Variants in ST8SIA5 observed in about 807,000 individuals in gnomAD.
ST8SIA5 encodes ST8 alpha-N-acetyl-neuraminide alpha-2,8-sialyltransferase 5, also known as alpha-2,8-sialyltransferase 8E.
In ST8SIA5, 24 loss-of-function variants were observed where a neutral mutation model predicts 40.2. The observed-to-expected ratio is 0.60, with a 90% confidence interval of 0.43 to 0.84. The LOEUF (loss-of-function observed/expected upper bound fraction) is 0.84, where lower values mean the gene tolerates loss of function less well. Among genes scored for constraint, ST8SIA5 ranks in the 40% least tolerant of loss-of-function variants. ST8SIA5 has a pLI of 0.00. For synonymous variants in ST8SIA5, 198 were observed against 201.8 expected (o/e 0.98, Z 0.16); for missense variants, 465 against 498.5 (o/e 0.93, Z 0.64).
At chr18:46,734,283 C>G (rs1312860893) in intron 1 of ST8SIA5, among the ~76,000 whole-genome samples, 1 of 152,138 alleles carries the variant, frequency 6.6e-6, no homozygotes, top group Non-Finnish European at 1.5e-5. Flanking sequence ...GTTTCATTCA[C>G]CAGGGTCCAC....
chr18:46,681,836 T>G (rs1272199618), intron 6 of ST8SIA5, 136 bp downstream of exon 6: 1 of 760,252 alleles, frequency 1.3e-6, no homozygotes, highest in African/African-American at 1.8e-5. Context: ...TTGTATTAAG[T>G]CTTTGAAACC....
At chr18:46,752,940 C>A (rs1839488690) in intron 1 of ST8SIA5, among the ~76,000 whole-genome samples, 1 of 152,168 alleles carries the variant, frequency 6.6e-6, no homozygotes. Context: ...GTAGGAGACC[C>A]AGCTAACATC....
At chr18:46,726,054 A>ATATATATATATATCCTGGATATATATAT (rs1272169940) in intron 1 of ST8SIA5, among the ~76,000 whole-genome samples, 1 of 122,004 alleles carries the variant, frequency 8.2e-6, no homozygotes, top group Non-Finnish European at 1.7e-5. Context: ...TATATCCAGG[A>ATATATATATATATCCTGGATATATATAT]ATGGTGGTGC....
intron 1 of ST8SIA5, among the ~76,000 whole-genome samples, chr18:46,713,301 T>A (rs1333635254): frequency 6.6e-6 from 1 of 152,190 alleles, no homozygotes; most frequent in Non-Finnish European, 1.5e-5. Context: ...CAGTAACTCC[T>A]AGGACTTCAG....
intron 1 of ST8SIA5, among the ~76,000 whole-genome samples, chr18:46,712,200 T>C (rs2039739570): frequency 6.6e-6 from 1 of 152,182 alleles, no homozygotes; most frequent in Non-Finnish European, 1.5e-5. Flanking sequence ...CTTCCCTTTG[T>C]AAAATTCAGC....
rs374668083 is a variant in ST8SIA5 at position 46,703,262 on chromosome 18, C to T, written c.224+1310G>A. 3.3e-5 allele frequency among the ~76,000 whole-genome samples: 5 copies of T among 152,206 alleles called. No homozygotes were observed. In the East Asian group the frequency reaches 5.8e-4, roughly 18 times the overall value. On this transcript the variant is annotated intron_variant, in intron 2 of 6. Transcript: ENST00000315087. ...CTGGGTTCACGCCATTCTCCTGCCT[C>T]AGCCTCCAGAGTAGCTGGGACTACA...
At chr18:46,698,463 C>T (rs1242053321) in intron 2 of ST8SIA5, among the ~76,000 whole-genome samples, 2 of 152,078 alleles carry the variant, frequency 1.3e-5, no homozygotes, top group Non-Finnish European at 2.9e-5. Flanking sequence ...GATCCAACAA[C>T]CCACCACACC....
At chr18:46,689,088 C>G in intron 3 of ST8SIA5, 169 bp from the exon 4 acceptor site, 2 of 704,420 alleles carry the variant, frequency 2.8e-6, no homozygotes, top group Middle Eastern at 4.1e-4. Flanking sequence ...GCCCACCCAT[C>G]CCACACACAT....
intron 1 of ST8SIA5, among the ~76,000 whole-genome samples, chr18:46,719,712 T>TTCTTTCTTTCTTTCTTTCTC (rs1568267819): frequency 6.6e-6 from 1 of 150,598 alleles, no homozygotes; most frequent in Non-Finnish European, 1.5e-5. Context: ...CTTTCTCTCT[T>TTCTTTCTTTCTTTCTTTCTC]TCTTTCTCTC....
rs546768649 is a variant in ST8SIA5 at position 46,694,449 on chromosome 18, T to C, written c.225-2194A>G. On this transcript the variant is annotated intron_variant, in intron 2 of 6. Coordinates refer to ENST00000315087, the MANE Select transcript of ST8SIA5 (RefSeq NM_013305.6). ...AAAACTGCGAAATGCAGACAGATCATACACTCCTTAAAGGCAGCACCATGA... is the reference window on the plus strand; with the variant it reads ...AAAACTGCGAAATGCAGACAGATCACACACTCCTTAAAGGCAGCACCATGA... Among the ~76,000 whole-genome samples the C allele has an allele frequency of 2.6e-5, 4 of 152,346 alleles. No homozygotes were observed. In the South Asian group the frequency reaches 8.3e-4, roughly 32 times the overall value.
At chr18:46,750,964 T>C (rs915245683) in intron 1 of ST8SIA5, among the ~76,000 whole-genome samples, 2 of 152,252 alleles carry the variant, frequency 1.3e-5, no homozygotes, top group African/African-American at 2.4e-5. Context: ...ACTCTTTTTA[T>C]TGTGGCAAAA....
chr18:46,753,187 C>T (rs1433245471), intron 1 of ST8SIA5, among the ~76,000 whole-genome samples: 1 of 152,186 alleles, frequency 6.6e-6, no homozygotes, highest in East Asian at 1.9e-4. Flanking sequence ...CATAGTCCTA[C>T]CTTCAATTAT....
Position 46,684,263 on chromosome 18 carries a change from G to A in ST8SIA5, c.569+1911C>T, listed in dbSNP as rs575292465. Among the ~76,000 whole-genome samples the A allele has an allele frequency of 1.9e-3, 291 of 152,262 alleles. 1 individual carries two copies. The highest frequency in any genetic ancestry group is 6.9e-3 in the African/African-American group (285 of 41,544). On this transcript the variant is annotated intron_variant, in intron 5 of 6. Transcript: ENST00000315087. ...AATGACATGGTATCACAGAAAGAATGCAAGACCAGAAGTGTATCCCATTTC... is the reference window on the plus strand; with the variant it reads ...AATGACATGGTATCACAGAAAGAATACAAGACCAGAAGTGTATCCCATTTC...
chr18:46,737,118 A>G (rs7237483), intron 1 of ST8SIA5, among the ~76,000 whole-genome samples: 53,321 of 151,690 alleles, frequency 0.35, 10,081 homozygotes, highest in Middle Eastern at 0.45. Flanking sequence ...TGGTGTCTAA[A>G]AAGAAACTTT....
chr18:46,737,341 CTG>C (rs2040044866), intron 1 of ST8SIA5, among the ~76,000 whole-genome samples: 1 of 152,176 alleles, frequency 6.6e-6, no homozygotes, highest in South Asian at 2.1e-4. Flanking sequence ...TATTTATACA[CTG>C]TCTTACATAA....
chr18:46,753,753 A>G (rs2040216183), intron 1 of ST8SIA5, among the ~76,000 whole-genome samples: 1 of 152,104 alleles, frequency 6.6e-6, no homozygotes, highest in Non-Finnish European at 1.5e-5. Context: ...TTCCCTCTGC[A>G]TGCAGCAGCA....
rs1346310433 is a variant in ST8SIA5 at position 46,682,075 on chromosome 18, G to C, written c.570-11C>G. On this transcript the variant is annotated splice_polypyrimidine_tract_variant and intron_variant, in intron 5 of 6. Transcript: ENST00000315087. ...GGGGGCAGGTTGCACCTGCAGAAGA[G>C]AAAAGGCAGCCCAAGGTGGTTGGTC... 21 of 1,590,890 alleles carry C rather than the reference G, an allele frequency of 1.3e-5. No individual in the cohort carries two copies. The highest frequency in any genetic ancestry group is 1.8e-5 in the Non-Finnish European group (21 of 1,168,920).
intron 5 of ST8SIA5, among the ~76,000 whole-genome samples, chr18:46,684,206 A>T (rs1000961780): frequency 3.3e-5 from 5 of 152,144 alleles, no homozygotes; most frequent in African/African-American, 1.2e-4. Context: ...CCTCCGAGGG[A>T]GACATTTACT....
rs777614575 is a variant in ST8SIA5 at position 46,692,233 on chromosome 18, C to T, written c.247G>A (p.Asp83Asn). ...CACATCTGGAGGCTCTTCCACCTGT[C>T]GAACAGCTCTGACTGCTTCACCCTT... Reference protein sequence around the residue: ...LSMVKQSELFDRWKSLQMCKW... With the variant: ...LSMVKQSELFNRWKSLQMCKW... The change falls in exon 3 of 7, where the codon GAC (aspartate) becomes AAC (asparagine). Residue 83 changes from aspartate to asparagine, a missense_variant. Coordinates refer to ENST00000315087, the MANE Select transcript of ST8SIA5 (RefSeq NM_013305.6). 6 of 1,613,940 alleles carry T rather than the reference C, an allele frequency of 3.7e-6. 1 individual carries two copies. Among genetic ancestry groups the T allele is most frequent in the East Asian group, 2.2e-5 (1 of 44,872 alleles).
Sources: allele counts gnomAD v4.1 joint callset (sites outside exome capture counted in the v4.1 genomes callset), GRCh38; gene constraint gnomAD v4.1.1; transcripts MANE v1.5; gene names NCBI Gene and HGNC (gene_info 2026-07-23, HGNC 2026-07-21).